The following ZNF280B variants were observed in gnomAD, a reference collection of about 807,000 sequenced individuals.
ZNF280B encodes the protein suppressor of hairy wing homolog 2.
A neutral mutation model predicts 38.0 loss-of-function variants in ZNF280B; 16 were observed. The ratio of observed to expected loss-of-function variants is 0.42; its 90% CI spans 0.28 to 0.64. The LOEUF (loss-of-function observed/expected upper bound fraction) is 0.64, where lower values mean the gene tolerates loss of function less well. ZNF280B is among the 30% of genes least tolerant of loss of function. ZNF280B has a pLI of 0.21. For missense variants in ZNF280B, 581 were observed against 639.6 expected, an observed-to-expected ratio of 0.91 and a Z score of 0.99; for synonymous variants, 253 against 230.6, an observed-to-expected ratio of 1.10 and a Z score of -0.88.
In ZNF280B at chr22:22,487,622, C is replaced by A; in HGVS notation, c.*145G>T. The stretch of plus-strand genomic sequence containing the variant: ...AAAATTCAGATCAAATAATATATAT[C>A]CTGAATCTTGTTTAAAAAGTCATAT... On this transcript the variant is annotated 3_prime_UTR_variant, in exon 4 of 4. Coordinates refer to ENST00000626650, the MANE Select transcript of ZNF280B (RefSeq NM_080764.4). The A allele has an allele frequency of 7.9e-6, 5 of 631,144 alleles. No homozygotes were observed. Among genetic ancestry groups the A allele is most frequent in the African/African-American group, 1.9e-5 (1 of 53,900 alleles). The allele number at this position is 631,144 out of a possible 1,614,324, so 39.1% of individuals were successfully genotyped here.
chr22:22,489,298 C>T lies in ZNF280B; in HGVS notation c.101G>A (p.Gly34Asp). 1.2e-6 allele frequency: 2 copies of T among 1,613,848 alleles called. No homozygotes were observed. Among genetic ancestry groups the T allele is most frequent in the East Asian group, 2.2e-5 (1 of 44,792 alleles). Residue 34 changes from glycine (G) to aspartate (D), a missense_variant, in exon 4 of 4, where the codon GGT (glycine) becomes GAT (aspartate). Gly to Asp is a moderately conservative substitution (Grantham distance 94). Coordinates refer to ENST00000626650, the MANE Select transcript of ZNF280B (RefSeq NM_080764.4). ...AGCATCTTCATTTACATGTTCCACA[C>T]CAACAAAGATGAGCTCAGCATCTTC... The part of the protein sequence containing the change: ...DDEDAELIFV[G>D]VEHVNEDAEL...
intron 3 of ZNF280B, among the ~76,000 whole-genome samples, chr22:22,490,819 T>C (rs1044481046): frequency 9.9e-5 from 15 of 151,788 alleles, no homozygotes; most frequent in African/African-American, 3.6e-4. Context: ...TCAAAGCCCT[T>C]GTTCCTTCCA....
At chr22:22,508,749 T>C (rs1386405671), upstream of ZNF280B, 5 of 151,740 alleles carry the variant, frequency 3.3e-5, no homozygotes, top group South Asian at 2.1e-4. Context: ...CTACGCCTCC[T>C]CAGGCCCCCG....
Position 22,488,239 on chromosome 22 carries a change from A to G in ZNF280B, c.1160T>C (p.Val387Ala). Residue 387 changes from valine (V) to alanine (A), a missense_variant, in exon 4 of 4, where the codon GTC becomes GCC. Physicochemically the swap from Val to Ala is moderately conservative, Grantham distance 64. Transcript: ENST00000626650. ...ATGGTCCTTCATGTGTTGTAAGAGGACCTGATCTGTTTCAAATGACAATTC... is the reference window on the plus strand; with the variant it reads ...ATGGTCCTTCATGTGTTGTAAGAGGGCCTGATCTGTTTCAAATGACAATTC... ...ICELSFETDQ[V>A]LLQHMKDHHK... The G allele has an allele frequency of 6.2e-7, 1 of 1,613,882 alleles. No homozygotes were observed. The highest frequency in any genetic ancestry group is 8.5e-7 in the Non-Finnish European group (1 of 1,179,978).
At chr22:22,507,184 C>T (rs563462952) in intron 2 of ZNF280B, among the ~76,000 whole-genome samples, 7 of 152,006 alleles carry the variant, frequency 4.6e-5, no homozygotes, top group East Asian at 2.0e-4. Flanking sequence ...AAGTCAATTC[C>T]GCAGAGACTG....
intron 2 of ZNF280B, among the ~76,000 whole-genome samples, chr22:22,498,885 C>T (rs1458554897): frequency 1.4e-5 from 2 of 147,582 alleles, no homozygotes; most frequent in Non-Finnish European, 3.0e-5. Context: ...ACAAGCTCCG[C>T]CTCCCAGGTT....
At chr22:22,491,856 G>T (rs1237487700) in intron 3 of ZNF280B, among the ~76,000 whole-genome samples, 1 of 151,928 alleles carries the variant, frequency 6.6e-6, no homozygotes, top group African/African-American at 2.4e-5. Flanking sequence ...TCAAAAACTG[G>T]TCTAATGCTA....
intron 3 of ZNF280B, among the ~76,000 whole-genome samples, chr22:22,491,340 A>T (rs1268546300): frequency 2.7e-5 from 4 of 146,636 alleles, no homozygotes; most frequent in African/African-American, 9.9e-5. Flanking sequence ...CCAATAGTTT[A>T]AAAAAAAAAA....
In ZNF280B at chr22:22,487,147, A is replaced by G. The variant is rs879219026; in HGVS notation, c.*620T>C. The G allele has an allele frequency of 2.0e-5, 3 of 151,960 alleles. No homozygotes were observed. The South Asian group carries it at 6.2e-4, about 32-fold the overall frequency. The allele number at this position is 151,960 out of a possible 1,614,324, so 9.4% of individuals were successfully genotyped here. A position where few individuals can be genotyped will look rare whatever the true frequency, so the allele number is the denominator to read the frequency against. ...AAGCTTAGGAGTAACATGAAATACC[A>G]AAACAATAAATAGGTGCCAGGGGCA... On this transcript the variant is annotated 3_prime_UTR_variant, in exon 4 of 4. Coordinates refer to ENST00000626650, the MANE Select transcript of ZNF280B (RefSeq NM_080764.4).
At chr22:22,502,146 T>C (rs766182741) in intron 2 of ZNF280B, among the ~76,000 whole-genome samples, 14 of 151,676 alleles carry the variant, frequency 9.2e-5, no homozygotes, top group Admixed American at 1.3e-4. Context: ...CAATAAAAAA[T>C]GGGCGAAGGA....
At chr22:22,493,267 A>G (rs2061633109) in intron 3 of ZNF280B, among the ~76,000 whole-genome samples, 1 of 151,904 alleles carries the variant, frequency 6.6e-6, no homozygotes. Context: ...TTGGCCTCCC[A>G]AAGTGCTGGG....
chr22:22,505,589 T>TA (rs2061921220), intron 2 of ZNF280B, among the ~76,000 whole-genome samples: 4 of 138,040 alleles, frequency 2.9e-5, no homozygotes, highest in African/African-American at 8.2e-5. Context: ...AAAATAAAAA[T>TA]AAAATAATAA....
chr22:22,507,265 C>A (rs920672810), intron 2 of ZNF280B, among the ~76,000 whole-genome samples: 1 of 151,964 alleles, frequency 6.6e-6, no homozygotes, highest in Admixed American at 6.6e-5. Flanking sequence ...CTAAGCCACT[C>A]TTGGATTCCA....
At chr22:22,496,032 C>T (rs2061686881) in intron 2 of ZNF280B, among the ~76,000 whole-genome samples, 1 of 151,408 alleles carries the variant, frequency 6.6e-6, no homozygotes, top group Admixed American at 6.6e-5. Context: ...TCTCGAACCC[C>T]TGACCTCAGG....
rs760083658 is a variant in ZNF280B, at chr22:22,488,976, T to C, written c.423A>G (p.Leu141=). ...PQVVPNNSSE[L]PSPLITFTDS... ...CTGTGAATGTAATCAAAGGAGAAGG[T>C]AATTCTGAAGAGTTATTAGGCACAA... The change falls in exon 4 of 4, where the codon TTA becomes TTG. Residue 141 remains leucine (L), a synonymous_variant. Transcript: ENST00000626650. 34 of 1,613,744 alleles carry C rather than the reference T, an allele frequency of 2.1e-5. No homozygotes were observed. The highest frequency in any genetic ancestry group is 2.7e-5 in the Non-Finnish European group (32 of 1,179,964).
At chr22:22,495,673 T>G (rs975281057) in intron 2 of ZNF280B, among the ~76,000 whole-genome samples, 6 of 151,946 alleles carry the variant, frequency 3.9e-5, no homozygotes, top group African/African-American at 1.4e-4. Context: ...GTGGAAATAG[T>G]AGTAAGGATC....
At position 22,507,155 on chromosome 22, in the gene ZNF280B, G is replaced by A. The variant is rs144066057; in HGVS notation, c.-187+655C>T. 5.0e-3 allele frequency among the ~76,000 whole-genome samples: 753 copies of A among 152,048 alleles called. 2 individuals are homozygous for A. Among genetic ancestry groups the A allele is most frequent in the Non-Finnish European group, 7.9e-3 (538 of 68,012 alleles). On this transcript the variant is annotated intron_variant, in intron 2 of 3. Transcript: ENST00000626650. ...GCCAACAGCCCAGTGAGTGAGCTTAGAGGCAGATGATCCAAACCAAGTCAA... is the reference window on the plus strand; with the variant it reads ...GCCAACAGCCCAGTGAGTGAGCTTAAAGGCAGATGATCCAAACCAAGTCAA...
At chr22:22,500,910 C>T (rs1224838529) in intron 2 of ZNF280B, among the ~76,000 whole-genome samples, 1 of 150,426 alleles carries the variant, frequency 6.6e-6, no homozygotes, top group Admixed American at 6.7e-5. Flanking sequence ...GTCCCAGCTA[C>T]TCGGGAAGCT....
At chr22:22,491,483 G>A (rs1246663514) in intron 3 of ZNF280B, among the ~76,000 whole-genome samples, 2 of 135,732 alleles carry the variant, frequency 1.5e-5, no homozygotes, top group Admixed American at 8.1e-5. Flanking sequence ...TTTTGAGACG[G>A]AGTCTAGCTC....
Sources: gnomAD v4.1 joint callset for allele counts (sites outside exome capture counted in the v4.1 genomes callset) on GRCh38, gnomAD v4.1.1 for gene constraint, MANE v1.5 for transcripts, NCBI Gene and HGNC (gene_info 2026-07-23, HGNC 2026-07-21) for gene names.